The following DYNLT1 variants were observed in gnomAD, a reference collection of about 807,000 sequenced individuals.
The protein encoded by DYNLT1 is T-complex testis-specific protein 1 homolog.
A neutral mutation model predicts 19.6 loss-of-function variants in DYNLT1; 18 were observed. The observed-to-expected ratio is 0.92, with a 90% CI of 0.64 to 1.36. The LOEUF is 1.36. Among genes scored for constraint, DYNLT1 ranks in the 40% most tolerant of loss-of-function variants. DYNLT1 has a pLI of 0.00. For synonymous variants in DYNLT1, 56 were observed against 44.0 expected, an observed-to-expected ratio of 1.27 and a Z score of -1.07; for missense variants, 137 against 139.3, an observed-to-expected ratio of 0.98 and a Z score of 0.08.
intron 2 of DYNLT1, among the ~76,000 whole-genome samples, chr6:158,638,836 G>A (rs138552274): frequency 1.3e-5 from 2 of 152,052 alleles, no homozygotes; most frequent in South Asian, 2.1e-4. Context: ...GCTCATTGTC[G>A]CTGCTCTTGC....
At chr6:158,639,147 G>A (rs1452900905) in intron 2 of DYNLT1, among the ~76,000 whole-genome samples, 2 of 152,154 alleles carry the variant, frequency 1.3e-5, no homozygotes, top group African/African-American at 2.4e-5. Flanking sequence ...TAGATCTGGC[G>A]ACCTTGCTTT....
chr6:158,644,324 A>G (rs1281628426), intron 1 of DYNLT1, among the ~76,000 whole-genome samples: 1 of 151,820 alleles, frequency 6.6e-6, no homozygotes, highest in African/African-American at 2.4e-5. Flanking sequence ...AGCCCCGCAG[A>G]GCAAGGGGCG....
intron 2 of DYNLT1, among the ~76,000 whole-genome samples, chr6:158,639,013 TA>T (rs1344726570): frequency 1.3e-5 from 2 of 152,142 alleles, no homozygotes; most frequent in Non-Finnish European, 1.5e-5. Context: ...AGTTATGACC[TA>T]AAGTGAAAAT....
At chr6:158,637,479 T>G in intron 3 of DYNLT1, 1 of 617,104 alleles carries the variant, frequency 1.6e-6, no homozygotes. Flanking sequence ...AGTTGAAAAA[T>G]TCTAAGTTGA....
intron 4 of DYNLT1, 25 bp downstream of exon 4, chr6:158,637,103 T>G: frequency 6.2e-7 from 1 of 1,614,080 alleles, no homozygotes; most frequent in African/African-American, 1.3e-5. Flanking sequence ...CAACAAAACT[T>G]CACAAACATG....
chr6:158,636,998 CAAAG>C (rs1386265133), intron 4 of DYNLT1, 101 bp from the exon 5 acceptor site: 15 of 1,543,538 alleles, frequency 9.7e-6, no homozygotes, highest in Non-Finnish European at 1.3e-5. Flanking sequence ...CTATGCTACA[CAAAG>C]AACCTTGGCA....
In DYNLT1 at chr6:158,638,513, C is replaced by A. The variant is rs186904105; in HGVS notation, c.70-619G>T. Among the ~76,000 whole-genome samples, 205 of 113,170 alleles carry A rather than the reference C, an allele frequency of 1.8e-3. 1 individual carries two copies. Among genetic ancestry groups the A allele is most frequent in the African/African-American group, 6.0e-3 (194 of 32,242 alleles). The allele number at this position is 113,170 out of a possible 152,430, so 74.2% of individuals were successfully genotyped here. A position where few individuals can be genotyped will look rare whatever the true frequency, so the allele number is the denominator to read the frequency against. ...AATCTTGGCTCACTGCAGCCTTGAC[C>A]TCCTGGGCTCAAGCAATCCTCCCAC... On this transcript the variant is annotated intron_variant, in intron 2 of 4. Transcript: ENST00000367089.
intron 1 of DYNLT1, among the ~76,000 whole-genome samples, chr6:158,643,172 G>C (rs1239434614): frequency 1.3e-5 from 2 of 152,160 alleles, no homozygotes; most frequent in African/African-American, 4.8e-5. Context: ...GCAGTATTAA[G>C]CGCTTTCCTT....
intron 1 of DYNLT1, 102 bp downstream of exon 1, chr6:158,644,580 G>T: frequency 1.4e-6 from 2 of 1,433,008 alleles, no homozygotes; most frequent in Non-Finnish European, 1.9e-6. Context: ...GACTGGCCTA[G>T]CTGAAGGAGG....
chr6:158,637,632 A>G (rs1394061664), intron 3 of DYNLT1, 139 bp downstream of exon 3: 24 of 1,339,494 alleles, frequency 1.8e-5, no homozygotes, highest in African/African-American at 5.8e-5. Flanking sequence ...ACGCTAACGT[A>G]TACTACACAC....
Position 158,636,816 on chromosome 6 carries a change from T to C in DYNLT1, c.*11A>G. 1 of 1,608,310 alleles carries C rather than the reference T, an allele frequency of 6.2e-7. No homozygotes were observed. The highest frequency in any genetic ancestry group is 8.5e-7 in the Non-Finnish European group (1 of 1,177,502). On this transcript the variant is annotated 3_prime_UTR_variant, in exon 5 of 5. Transcript: ENST00000367089. The stretch of plus-strand genomic sequence containing the variant: ...AGACAAAAGGAGAAAGGCCATAGGC[T>C]GGACTGCAGGTCAAATAGACAGTCC...
At position 158,636,901 on chromosome 6, in the gene DYNLT1, C is replaced by T. The variant is rs200810039; in HGVS notation, c.272-4G>A. The T allele has an allele frequency of 1.7e-3, 2,710 of 1,613,250 alleles. 8 individuals are homozygous for T. The highest frequency in any genetic ancestry group is 2.0e-3 in the Non-Finnish European group (2,386 of 1,179,608). On this transcript the variant is annotated splice_region_variant and splice_polypyrimidine_tract_variant and intron_variant, in intron 4 of 4. Coordinates refer to ENST00000367089, the MANE Select transcript of DYNLT1 (RefSeq NM_006519.4). Reference sequence around the variant, plus strand: ...TCCCATCGCACAGTGCAGCTCCCTGCGGGAGGGAAGAGAGCAGCATTTACG... The same window carrying T: ...TCCCATCGCACAGTGCAGCTCCCTGTGGGAGGGAAGAGAGCAGCATTTACG...
chr6:158,636,798 A>C lies in DYNLT1; in HGVS notation c.*29T>G. On this transcript the variant is annotated 3_prime_UTR_variant, in exon 5 of 5. Coordinates refer to ENST00000367089, the MANE Select transcript of DYNLT1 (RefSeq NM_006519.4). ...GGTTAGAGGATGAACTAGAGACAAAAGGAGAAAGGCCATAGGCTGGACTGC... is the reference window on the plus strand; with the variant it reads ...GGTTAGAGGATGAACTAGAGACAAACGGAGAAAGGCCATAGGCTGGACTGC... The C allele has an allele frequency of 6.3e-7, 1 of 1,598,714 alleles. No individual in the cohort carries two copies. The highest frequency in any genetic ancestry group is 8.5e-7 in the Non-Finnish European group (1 of 1,172,170).
chr6:158,636,862 A>G lies in DYNLT1; in HGVS notation c.307T>C (p.Tyr103His). Residue 103 changes from tyrosine to histidine, a missense_variant, in exon 5 of 5, where the codon TAC becomes CAC. By Grantham distance (83) the Tyr-to-His change is moderately conservative. Coordinates refer to ENST00000367089, the MANE Select transcript of DYNLT1 (RefSeq NM_006519.4). ...AGTCCGAAGGCACTGACGATGCAGT[A>G]CATGGTCTTATTCTCCCATCGCACA... ...CTVRWENKTM[Y>H]CIVSAFGLSI 3 of 1,613,498 alleles carry G rather than the reference A, an allele frequency of 1.9e-6. No individual in the cohort carries two copies. Among genetic ancestry groups the G allele is most frequent in the Non-Finnish European group, 2.5e-6 (3 of 1,179,716 alleles).
At chr6:158,639,413 G>A (rs957185558) in intron 2 of DYNLT1, among the ~76,000 whole-genome samples, 9 of 152,016 alleles carry the variant, frequency 5.9e-5, no homozygotes, top group East Asian at 3.9e-4. Flanking sequence ...AACCTCTCCC[G>A]TCAAAGGGTG....
chr6:158,639,050 C>A (rs1787082010), intron 2 of DYNLT1, among the ~76,000 whole-genome samples: 1 of 152,216 alleles, frequency 6.6e-6, no homozygotes, highest in Admixed American at 6.5e-5. Context: ...GGGCCAAGGT[C>A]TGTCCTCAGA....
intron 2 of DYNLT1, among the ~76,000 whole-genome samples, chr6:158,639,847 A>G (rs1245950955): frequency 6.6e-6 from 1 of 152,008 alleles, no homozygotes; most frequent in Non-Finnish European, 1.5e-5. Context: ...AGCCTGGCTT[A>G]TTTTTGTATT....
chr6:158,641,346 A>C lies in DYNLT1; in HGVS notation c.42T>G (p.Val14=). The C allele has an allele frequency of 6.3e-7, 1 of 1,599,264 alleles. No individual in the cohort carries two copies. Among genetic ancestry groups the C allele is most frequent in the Non-Finnish European group, 8.5e-7 (1 of 1,175,406 alleles). Residue 14 remains valine, a synonymous_variant, in exon 2 of 5, where the codon GTT becomes GTG. Coordinates refer to ENST00000367089, the MANE Select transcript of DYNLT1 (RefSeq NM_006519.4). ...CTTTTACAATGTTGCTCACTTCATC[A>C]ACAACAAAAGCAGTCTGTAAGGAAG... The part of the protein sequence containing the change: ...YQAAEETAFV[V]DEVSNIVKEA...
At chr6:158,640,498 T>TA (rs1174986116) in intron 2 of DYNLT1, among the ~76,000 whole-genome samples, 2 of 152,080 alleles carry the variant, frequency 1.3e-5, no homozygotes, top group Non-Finnish European at 2.9e-5. Flanking sequence ...AATGAGCCCC[T>TA]AGCTCTCAGC....
Sources: gnomAD v4.1 joint callset for allele counts (sites outside exome capture counted in the v4.1 genomes callset) on GRCh38, gnomAD v4.1.1 for gene constraint, MANE v1.5 for transcripts, NCBI Gene and HGNC (gene_info 2026-07-23, HGNC 2026-07-21) for gene names.